MED10: variants seen among roughly 807,000 people sequenced by gnomAD.
The protein encoded by MED10 is mediator of RNA polymerase II transcription subunit 10.
A neutral mutation model predicts 17.2 loss-of-function variants in MED10; 9 were observed. The observed-to-expected ratio is 0.52, with a 90% CI of 0.31 to 0.91. MED10 has a LOEUF of 0.91. Ranked by LOEUF, MED10 falls within the 40% of genes least tolerant of loss-of-function variation. MED10 has a pLI of 0.04. For missense variants in MED10, 129 were observed against 164.8 expected, an observed-to-expected ratio of 0.78 and a Z score of 1.19; for synonymous variants, 66 against 59.8, an observed-to-expected ratio of 1.10 and a Z score of -0.48.
At chr5:6,375,950 G>C (rs937795638) in intron 2 of MED10, among the ~76,000 whole-genome samples, 6 of 152,186 alleles carry the variant, frequency 3.9e-5, no homozygotes, top group African/African-American at 1.4e-4. Flanking sequence ...TTCTGCTTCA[G>C]AAGACACAAG....
intron 2 of MED10, chr5:6,376,841 T>A: frequency 5.7e-6 from 1 of 175,608 alleles, no homozygotes; most frequent in Non-Finnish European, 1.2e-5. Flanking sequence ...GTTTTGTGGC[T>A]GTTCTTTAGC....
chr5:6,377,125 C>A, intron 2 of MED10, 41 bp downstream of exon 2: 1 of 1,415,080 alleles, frequency 7.1e-7, no homozygotes, highest in Non-Finnish European at 9.8e-7. Context: ...CATAACTGAA[C>A]AAGATTTATA....
At chr5:6,372,970 G>A (rs1029593061) in intron 3 of MED10, among the ~76,000 whole-genome samples, 17 of 152,300 alleles carry the variant, frequency 1.1e-4, no homozygotes, top group African/African-American at 3.6e-4. Flanking sequence ...AAGCGAAACG[G>A]AACAATCAAA....
chr5:6,377,416 G>A (rs1189145289), intron 1 of MED10, among the ~76,000 whole-genome samples, 167 bp from the exon 2 acceptor site: 1 of 152,192 alleles, frequency 6.6e-6, no homozygotes, highest in Non-Finnish European at 1.5e-5. Context: ...GGATTCCTAG[G>A]ACACCGTTAG....
At position 6,372,459 on chromosome 5, in the gene MED10, G is replaced by A. The variant is rs112042492; in HGVS notation, c.*44C>T. 6.2e-5 allele frequency: 96 copies of A among 1,541,916 alleles called. No homozygotes were observed. The highest frequency in any genetic ancestry group is 3.7e-4 in the Middle Eastern group (2 of 5,426). ...GCACTCGCAGTCCCAGCCTCACGCCGCATCGCAGTCCCAGGGGATCTTCAC... is the reference window on the plus strand; with the variant it reads ...GCACTCGCAGTCCCAGCCTCACGCCACATCGCAGTCCCAGGGGATCTTCAC... On this transcript the variant is annotated 3_prime_UTR_variant, in exon 4 of 4. Transcript: ENST00000255764.
In MED10 at chr5:6,372,589, G is replaced by C. The variant is rs1560904434; in HGVS notation, c.322C>G (p.Leu108Val). 6.2e-7 allele frequency: 1 copy of C among 1,613,592 alleles called. No homozygotes were observed. Among genetic ancestry groups the C allele is most frequent in the Non-Finnish European group, 8.5e-7 (1 of 1,179,570 alleles). ...KIDTMKKFKSLLIQELSKVFP... is the reference protein window; with the variant it reads ...KIDTMKKFKSVLIQELSKVFP... ...ACTTTAGAAAGTTCTTGAATCAACA[G>C]GCTTTTAAATTTCTACAAAGAAAAT... The change falls in exon 4 of 4, where the codon CTG becomes GTG. Residue 108 changes from leucine (L) to valine (V), a missense_variant. Coordinates refer to ENST00000255764, the MANE Select transcript of MED10 (RefSeq NM_032286.3).
At chr5:6,378,293 C>T in intron 1 of MED10, 69 bp downstream of exon 1, 1 of 1,476,484 alleles carries the variant, frequency 6.8e-7, no homozygotes, top group South Asian at 1.3e-5. Flanking sequence ...CCCTAGATCC[C>T]CGCTCCCCTA....
chr5:6,372,348 C>T lies in MED10; in HGVS notation c.*155G>A, dbSNP rs1307199354. ...CAGCTCCGCCTCTCCTCCAGCCCCT[C>T]GGTCCCATGAGGCCAAACAATGAGG... On this transcript the variant is annotated 3_prime_UTR_variant, in exon 4 of 4. Transcript: ENST00000255764. 3 of 624,134 alleles carry T rather than the reference C, an allele frequency of 4.8e-6. No individual in the cohort carries two copies. Among genetic ancestry groups the T allele is most frequent in the East Asian group, 2.8e-5 (1 of 36,216 alleles). The allele number at this position is 624,134 out of a possible 1,614,324, so 38.7% of individuals were successfully genotyped here. A position where few individuals can be genotyped will look rare whatever the true frequency, so the allele number is the denominator to read the frequency against.
At chr5:6,374,684 C>A (rs1023092154) in intron 2 of MED10, 1 of 401,862 alleles carries the variant, frequency 2.5e-6, no homozygotes. Context: ...GCACGCTTCA[C>A]AAGCCATACC....
rs1220469390 is a variant in MED10, at chr5:6,372,556, C to T, written c.355G>A (p.Glu119Lys). 1 of 1,614,188 alleles carries T rather than the reference C, an allele frequency of 6.2e-7. No homozygotes were observed. Among genetic ancestry groups the T allele is most frequent in the Non-Finnish European group, 8.5e-7 (1 of 1,180,038 alleles). The change falls in exon 4 of 4, where the codon GAA (glutamate) becomes AAA (lysine). Residue 119 changes from glutamate (E) to lysine (K), a missense_variant. Coordinates refer to ENST00000255764, the MANE Select transcript of MED10 (RefSeq NM_032286.3). ...ATGCTTCGATACTTAGCCATGTCTTCCGGAAATACTTTAGAAAGTTCTTGA... is the reference window on the plus strand; with the variant it reads ...ATGCTTCGATACTTAGCCATGTCTTTCGGAAATACTTTAGAAAGTTCTTGA... ...LIQELSKVFP[E>K]DMAKYRSIRG...
intron 1 of MED10, among the ~76,000 whole-genome samples, chr5:6,377,786 C>T (rs1251521079): frequency 6.6e-6 from 1 of 152,250 alleles, no homozygotes; most frequent in African/African-American, 2.4e-5. Flanking sequence ...TTGCATTTGC[C>T]TTTTCTCCAA....
At chr5:6,374,232 T>C (rs1045701210) in intron 3 of MED10, 92 bp downstream of exon 3, 2 of 815,486 alleles carry the variant, frequency 2.5e-6, no homozygotes, top group Admixed American at 1.8e-5. Flanking sequence ...GTCAATATTC[T>C]AGCAAGTATG....
At chr5:6,377,389 C>T (rs1738018639) in intron 1 of MED10, 140 bp from the exon 2 acceptor site, 2 of 464,566 alleles carry the variant, frequency 4.3e-6, no homozygotes, top group African/African-American at 2.0e-5. Flanking sequence ...CGGTTCTGAC[C>T]TCTTTGGTTA....
In MED10 at chr5:6,372,177, TTTTAA is replaced by T; in HGVS notation, c.*321_*325del. On this transcript the variant is annotated 3_prime_UTR_variant, in exon 4 of 4. Transcript: ENST00000255764. ...AATATTAGGTAGAATGTTGTAAAAC[TTTTAA>T]TTTACCCATCATATTTAACATTTCC... The T allele has an allele frequency of 4.0e-6, 1 of 249,504 alleles. No individual in the cohort carries two copies. The highest frequency in any genetic ancestry group is 7.6e-6 in the Non-Finnish European group (1 of 131,028). 15.5% of individuals were successfully genotyped at this position (249,504 alleles called of 1,614,324 possible). A position where few individuals can be genotyped will look rare whatever the true frequency, so the allele number is the denominator to read the frequency against.
chr5:6,372,633 T>C, intron 3 of MED10, 32 bp from the exon 4 acceptor site: 1 of 1,488,752 alleles, frequency 6.7e-7, no homozygotes, highest in South Asian at 1.1e-5. Flanking sequence ...AAAGGAGCTC[T>C]TCACATCAAC....
rs191789262 is a variant in MED10, at chr5:6,374,599, C to T, written c.207-173G>A. 2.3e-3 allele frequency: 1,288 copies of T among 566,960 alleles called. 12 individuals carry two copies. The highest frequency in any genetic ancestry group is 0.013 in the South Asian group (644 of 48,340). 35.1% of individuals were successfully genotyped at this position (566,960 alleles called of 1,614,324 possible). A position where few individuals can be genotyped will look rare whatever the true frequency, so the allele number is the denominator to read the frequency against. On this transcript the variant is annotated intron_variant, in intron 2 of 3. Transcript: ENST00000255764. ...TAATATTCCCTCATTTACACAAGTA[C>T]AGATCATCTGATTTCATTACTTCTG...
Position 6,374,678 on chromosome 5 carries a change from G to A in MED10, c.207-252C>T, listed in dbSNP as rs113635807. The A allele has an allele frequency of 4.7e-3, 1,966 of 421,314 alleles. 32 individuals carry two copies. The highest frequency in any genetic ancestry group is 0.036 in the African/African-American group (1,793 of 50,314). The allele number at this position is 421,314 out of a possible 1,614,324, so 26.1% of individuals were successfully genotyped here. On this transcript the variant is annotated intron_variant, in intron 2 of 3. Transcript: ENST00000255764. ...AATGATCACTGATAAACCCAAGCAC[G>A]CTTCACAAGCCATACCACTTTACAT...
chr5:6,378,339 G>T, intron 1 of MED10, 23 bp downstream of exon 1: 1 of 1,581,016 alleles, frequency 6.3e-7, no homozygotes. Flanking sequence ...GGGAGACCCC[G>T]GCAGCCTCGG....
At chr5:6,377,829 T>A (rs1738030232) in intron 1 of MED10, among the ~76,000 whole-genome samples, 1 of 152,262 alleles carries the variant, frequency 6.6e-6, no homozygotes, top group African/African-American at 2.4e-5. Context: ...AGCACAAGGC[T>A]GTTGCCAAGA....
Sources: gnomAD v4.1 joint callset for allele counts (sites outside exome capture counted in the v4.1 genomes callset) on GRCh38, gnomAD v4.1.1 for gene constraint, MANE v1.5 for transcripts, NCBI Gene and HGNC (gene_info 2026-07-23, HGNC 2026-07-21) for gene names.